TNFRSF10C: variants seen among roughly 807,000 people sequenced by gnomAD.
TNFRSF10C encodes the protein TNF receptor superfamily member 10c.
TNFRSF10C carries 17 observed loss-of-function variants against 16.7 expected under a neutral mutation model. That is an observed-to-expected ratio of 1.02 (90% CI 0.70 to 1.53). The LOEUF (loss-of-function observed/expected upper bound fraction) is 1.53, where lower values mean the gene tolerates loss of function less well. TNFRSF10C is among the 40% of genes most tolerant of loss of function. The pLI is 0.00. For synonymous variants in TNFRSF10C, 73 were observed against 119.7 expected, an observed-to-expected ratio of 0.61 and a Z score of 2.55; for missense variants, 237 against 329.7, an observed-to-expected ratio of 0.72 and a Z score of 2.18.
chr8:23,117,198 A>G lies in TNFRSF10C; in HGVS notation c.*167A>G, dbSNP rs1814007904. 2 of 1,047,706 alleles carry G rather than the reference A, an allele frequency of 1.9e-6. No individual in the cohort carries two copies. The highest frequency in any genetic ancestry group is 3.2e-5 in the South Asian group (2 of 63,262). The allele number at this position is 1,047,706 out of a possible 1,614,324, so 64.9% of individuals were successfully genotyped here. On this transcript the variant is annotated 3_prime_UTR_variant, in exon 5 of 5. Coordinates refer to ENST00000356864, the MANE Select transcript of TNFRSF10C (RefSeq NM_003841.5). ...GTCCTGGTGTCTCCAGCCTGGCTCT[A>G]TCTTCCTCCTTGTGATCGTCCCATC...
intron 1 of TNFRSF10C, among the ~76,000 whole-genome samples, chr8:23,107,932 A>G (rs1362586102): frequency 1.3e-5 from 2 of 152,220 alleles, no homozygotes; most frequent in Non-Finnish European, 2.9e-5. Context: ...GTGTAAGGCC[A>G]AGAAAACTGC....
In TNFRSF10C at chr8:23,116,751, C is replaced by T. The variant is rs1438070793; in HGVS notation, c.500C>T (p.Thr167Ile). ...ATVETPAAEETMNTSPGTPAP... is the reference protein window; with the variant it reads ...ATVETPAAEEIMNTSPGTPAP... The stretch of plus-strand genomic sequence containing the variant: ...GTGGAAACCCCAGCTGCTGAAGAGA[C>T]AATGAACACCAGCCCGGGGACTCCT... Residue 167 changes from threonine (T) to isoleucine (I), a missense_variant, in exon 5 of 5, where the codon ACA becomes ATA. Physicochemically the swap from Thr to Ile is moderately conservative, Grantham distance 89. Transcript: ENST00000356864. The T allele has an allele frequency of 6.2e-7, 1 of 1,613,948 alleles. No homozygotes were observed. Among genetic ancestry groups the T allele is most frequent in the Non-Finnish European group, 8.5e-7 (1 of 1,180,010 alleles).
chr8:23,108,944 T>G (rs1036911681), intron 1 of TNFRSF10C, among the ~76,000 whole-genome samples: 2 of 149,608 alleles, frequency 1.3e-5, no homozygotes, highest in Non-Finnish European at 3.0e-5. Context: ...CCACAGAGAA[T>G]TCTAAAATTT....
chr8:23,108,008 C>T (rs1298885784), intron 1 of TNFRSF10C, among the ~76,000 whole-genome samples: 1 of 152,304 alleles, frequency 6.6e-6, no homozygotes, highest in African/African-American at 2.4e-5. Flanking sequence ...AGTTACCCTA[C>T]GTTGAAGGCG....
chr8:23,110,291 T>A lies in TNFRSF10C; in HGVS notation c.61-1429T>A, dbSNP rs568095673. Among the ~76,000 whole-genome samples, 3 of 152,260 alleles carry A rather than the reference T, an allele frequency of 2.0e-5. No individual in the cohort carries two copies. In the South Asian group the frequency reaches 6.2e-4, roughly 32 times the overall value. On this transcript the variant is annotated intron_variant, in intron 1 of 4. Coordinates refer to ENST00000356864, the MANE Select transcript of TNFRSF10C (RefSeq NM_003841.5). The stretch of plus-strand genomic sequence containing the variant: ...CACTGTCACCAACTGCTAGTCAGGC[T>A]TTGATGTGGAAGAAAGCTACATTTT...
At chr8:23,104,939 A>T (rs1243068335) in intron 1 of TNFRSF10C, among the ~76,000 whole-genome samples, 1 of 152,082 alleles carries the variant, frequency 6.6e-6, no homozygotes, top group Non-Finnish European at 1.5e-5. Flanking sequence ...GTGAATGGAG[A>T]TAAGGTCTCC....
intron 1 of TNFRSF10C, among the ~76,000 whole-genome samples, chr8:23,107,219 A>G (rs1303998122): frequency 6.6e-6 from 1 of 152,174 alleles, no homozygotes; most frequent in Non-Finnish European, 1.5e-5. Context: ...AAACAGAAAA[A>G]CACAGAAAAT....
At chr8:23,112,092 C>A (rs1813889285) in intron 2 of TNFRSF10C, among the ~76,000 whole-genome samples, 1 of 151,640 alleles carries the variant, frequency 6.6e-6, no homozygotes, top group Admixed American at 6.6e-5. Flanking sequence ...TCTATGGGTT[C>A]TGTATCCATG....
At chr8:23,110,206 G>A (rs935055493) in intron 1 of TNFRSF10C, among the ~76,000 whole-genome samples, 1 of 151,380 alleles carries the variant, frequency 6.6e-6, no homozygotes. Context: ...CGCAGACATC[G>A]CCTGAACCTA....
intron 1 of TNFRSF10C, chr8:23,103,397 G>C (rs1438980083): frequency 2.5e-6 from 2 of 805,202 alleles, no homozygotes; most frequent in Non-Finnish European, 3.9e-6. Flanking sequence ...CGGTCCCCCT[G>C]GCTGCCCCGA....
intron 1 of TNFRSF10C, among the ~76,000 whole-genome samples, chr8:23,109,761 C>T (rs1040215019): frequency 6.6e-6 from 1 of 151,796 alleles, no homozygotes; most frequent in African/African-American, 2.4e-5. Context: ...AGAATACAAA[C>T]CACAGAAAGA....
intron 2 of TNFRSF10C, among the ~76,000 whole-genome samples, chr8:23,113,589 C>G (rs1204859128): frequency 1.3e-5 from 2 of 152,214 alleles, no homozygotes; most frequent in East Asian, 3.8e-4. Flanking sequence ...GTATCTTTCT[C>G]ACAATCAATC....
In TNFRSF10C at chr8:23,114,760, T is replaced by C. The variant is rs998679211; in HGVS notation, c.270T>C (p.Val90=). 6.2e-7 allele frequency: 1 copy of C among 1,612,708 alleles called. No individual in the cohort carries two copies. Residue 90 remains valine (V), a synonymous_variant, in exon 3 of 5, where the codon GTT becomes GTC. Coordinates refer to ENST00000356864, the MANE Select transcript of TNFRSF10C (RefSeq NM_003841.5). ...AACCTTCTTGCTTCCCATGTACAGT[T>C]TGTAAATCAGGTACAGAATGTGTGG... is the stretch of plus-strand genomic sequence containing the variant. ...NNEPSCFPCT[V]CKSDQKHKSS...
chr8:23,111,810 G>T lies in TNFRSF10C; in HGVS notation c.151G>T (p.Glu51Ter), dbSNP rs1220165765. Residue 51 changes from glutamate (E) to a stop codon, truncating the protein, a stop_gained, in exon 2 of 5, where the codon GAG becomes TAG. Transcript: ENST00000356864. LOFTEE classifies it high-confidence loss of function. ...GCAACAGAGGCACAGCTTCAAGGGG[G>T]AGGAGTGTCCAGCAGGTGCACTCTT... ...PQQQRHSFKG[E>*]ECPAGSHRSE... 1 of 1,612,890 alleles carries T rather than the reference G, an allele frequency of 6.2e-7. No homozygotes were observed. Among genetic ancestry groups the T allele is most frequent in the African/African-American group, 1.4e-5 (1 of 73,998 alleles).
At chr8:23,110,944 A>C (rs894558737) in intron 1 of TNFRSF10C, among the ~76,000 whole-genome samples, 5 of 152,128 alleles carry the variant, frequency 3.3e-5, no homozygotes, top group African/African-American at 1.2e-4. Flanking sequence ...TAAAATTCTT[A>C]TAAAATCTTT....
intron 1 of TNFRSF10C, among the ~76,000 whole-genome samples, chr8:23,110,691 C>A (rs1174788224): frequency 1.3e-5 from 2 of 152,194 alleles, no homozygotes; most frequent in African/African-American, 4.8e-5. Flanking sequence ...AGCAGCTTGA[C>A]AAGGTCCTTT....
At chr8:23,115,818 C>T (rs1300532746) in intron 4 of TNFRSF10C, among the ~76,000 whole-genome samples, 1 of 149,782 alleles carries the variant, frequency 6.7e-6, no homozygotes, top group Non-Finnish European at 1.5e-5. Context: ...GCAGCCCCTT[C>T]CCAGACCCTC....
At chr8:23,116,170 T>C (rs1339184106) in intron 4 of TNFRSF10C, among the ~76,000 whole-genome samples, 1 of 152,180 alleles carries the variant, frequency 6.6e-6, no homozygotes, top group Non-Finnish European at 1.5e-5. Flanking sequence ...CAATAAGTCC[T>C]GTCTTTTCCC....
At chr8:23,105,051 G>T (rs138726730) in intron 1 of TNFRSF10C, among the ~76,000 whole-genome samples, 1 of 152,140 alleles carries the variant, frequency 6.6e-6, no homozygotes, top group East Asian at 1.9e-4. Context: ...CAATCTGTGC[G>T]CCAGGTCCTT....
Sources: allele counts gnomAD v4.1 joint callset (sites outside exome capture counted in the v4.1 genomes callset), GRCh38; gene constraint gnomAD v4.1.1; transcripts MANE v1.5; gene names NCBI Gene and HGNC (gene_info 2026-07-23, HGNC 2026-07-21).